COL6A5: variants seen among roughly 807,000 people sequenced by gnomAD.
COL6A5 encodes the protein collagen alpha-5(VI) chain.
COL6A5 carries 48 observed loss-of-function variants against 65.6 expected under a neutral mutation model. That is an observed-to-expected ratio of 0.73 (90% CI 0.58 to 0.93). The LOEUF (loss-of-function observed/expected upper bound fraction) is 0.93, where lower values mean the gene tolerates loss of function less well. COL6A5 is among the 40% of genes least tolerant of loss of function. The pLI is 0.00. For missense variants in COL6A5, 914 were observed against 928.3 expected (o/e 0.98, Z 0.20); for synonymous variants, 291 against 322.8 (o/e 0.90, Z 1.05).
At position 130,377,784 on chromosome 3, in the gene COL6A5, G is replaced by C. The variant is rs142689187; in HGVS notation, c.667+948G>C. On this transcript the variant is annotated intron_variant and NMD_transcript_variant, in intron 3 of 41. Coordinates refer to the COL6A5 transcript ENST00000312481. ...GTGTCTATCATATAATATGAATGAG[G>C]TGACTTGTATGGCATTTGGCACACT... 3.6e-3 allele frequency among the ~76,000 whole-genome samples: 555 copies of C among 152,202 alleles called. 3 individuals carry two copies. The highest frequency in any genetic ancestry group is 0.013 in the African/African-American group (521 of 41,542).
chr3:130,379,082 TC>T (rs1935893367), intron 3 of COL6A5, among the ~76,000 whole-genome samples: 1 of 151,782 alleles, frequency 6.6e-6, no homozygotes, highest in African/African-American at 2.4e-5. Flanking sequence ...ATGGTGGTGG[TC>T]GTGGTGGAGG....
chr3:130,398,351 T>C (rs1044688698), intron 10 of COL6A5, among the ~76,000 whole-genome samples: 1 of 152,098 alleles, frequency 6.6e-6, no homozygotes, highest in African/African-American at 2.4e-5. Context: ...AGGGTGGTCT[T>C]GATCTCCTGA....
exon 9 of COL6A5, chr3:130,397,697 T>A (rs1287969407): frequency 5.2e-6 from 8 of 1,549,316 alleles, no homozygotes; most frequent in Non-Finnish European, 6.1e-6. Flanking sequence ...TTAGAAGACA[T>A]CAGCTCTATC....
chr3:130,452,753 T>C lies in COL6A5; in HGVS notation c.1333-2702T>C, dbSNP rs939187669. On this transcript the variant is annotated intron_variant, in intron 4 of 7. Transcript: ENST00000512836. The stretch of plus-strand genomic sequence containing the variant: ...TCTGACCAAATTTATTAGGTGGGAA[T>C]TTCCTTGTCCTAATAAGCCTGGGAG... Among the ~76,000 whole-genome samples the C allele has an allele frequency of 3.9e-5, 6 of 152,112 alleles. No homozygotes were observed. In the South Asian group the frequency reaches 1.2e-3, roughly 32 times the overall value.
At chr3:130,386,336 A>AAC (rs1936184834) in intron 5 of COL6A5, among the ~76,000 whole-genome samples, 1 of 152,070 alleles carries the variant, frequency 6.6e-6, no homozygotes, top group Admixed American at 6.6e-5. Context: ...GAGTGCCTGG[A>AAC]ACATAGTAAG....
intron 13 of COL6A5, 33 bp from the exon 14 acceptor site, chr3:130,405,555 A>G: frequency 6.6e-7 from 1 of 1,516,082 alleles, no homozygotes; most frequent in East Asian, 2.5e-5. Flanking sequence ...CAAAAACATC[A>G]CTTTGGGTAC....
In COL6A5 at chr3:130,431,747, GT is replaced by G; in HGVS notation, c.286del (p.Asn97MetfsTer3). 6.4e-7 allele frequency: 1 copy of G among 1,551,574 alleles called. No homozygotes were observed. The highest frequency in any genetic ancestry group is 2.4e-5 in the East Asian group (1 of 40,920). On this transcript the variant is annotated frameshift_variant, in exon 1 of 8. Transcript: ENST00000512836. LOFTEE classifies it high-confidence loss of function. ...GACACCACAGAGCCCCGAGATGTTGGTAATGCAATGAGGTTTGTGACCCGCA... is the reference window on the plus strand; with the variant it reads ...GACACCACAGAGCCCCGAGATGTTGGAATGCAATGAGGTTTGTGACCCGCA...
At chr3:130,427,070 A>G (rs981549), upstream of COL6A5, among the ~76,000 whole-genome samples, 87,380 of 152,090 alleles carry the variant, frequency 0.57, 28,373 homozygotes, top group Non-Finnish European at 0.73. Context: ...TAGAATAATT[A>G]GGTTATAATA....
At chr3:130,361,023 C>T (rs1935086762) in intron 1 of COL6A5, among the ~76,000 whole-genome samples, 1 of 151,908 alleles carries the variant, frequency 6.6e-6, no homozygotes, top group Non-Finnish European at 1.5e-5. Context: ...CACATGAGGC[C>T]TCCCCTGCTA....
At chr3:130,410,501 A>G in exon 20 of COL6A5, 1 of 1,551,072 alleles carries the variant, frequency 6.4e-7, no homozygotes, top group Admixed American at 2.0e-5. Flanking sequence ...GGTGCAAGGC[A>G]GTCCTAGTTC....
At chr3:130,484,642 AAAGTGAT>A (rs1464617574) in exon 8 of COL6A5, 1 of 398,884 alleles carries the variant, frequency 2.5e-6, no homozygotes, top group African/African-American at 2.1e-5. Context: ...GAAAAAGAAA[AAAGTGAT>A]AAGAGGCTAA....
intron 7 of COL6A5, among the ~76,000 whole-genome samples, chr3:130,394,235 A>C (rs973352222): frequency 6.6e-6 from 1 of 152,190 alleles, no homozygotes; most frequent in African/African-American, 2.4e-5. Context: ...TGATATTTTT[A>C]AAAAGCATTG....
chr3:130,465,961 CA>C (rs60282433), intron 5 of COL6A5, among the ~76,000 whole-genome samples: 1,839 of 151,740 alleles, frequency 0.012, 37 homozygotes, highest in African/African-American at 0.042. Flanking sequence ...AAAAGATTGG[CA>C]AACTTGAAAA....
At chr3:130,375,748 GGTAGCA>G (rs955147702) in intron 2 of COL6A5, among the ~76,000 whole-genome samples, 1 of 152,018 alleles carries the variant, frequency 6.6e-6, no homozygotes, top group Admixed American at 6.5e-5. Context: ...TTCTTCACAT[GGTAGCA>G]GTAGAGAGAA....
intron 23 of COL6A5, among the ~76,000 whole-genome samples, chr3:130,416,035 A>T (rs898563750): frequency 6.6e-6 from 1 of 152,168 alleles, no homozygotes; most frequent in African/African-American, 2.4e-5. Flanking sequence ...TTTAAAAGTT[A>T]TACATGCCAT....
intron 5 of COL6A5, among the ~76,000 whole-genome samples, chr3:130,463,964 A>G (rs1709757019): frequency 6.6e-6 from 1 of 152,034 alleles, no homozygotes; most frequent in Non-Finnish European, 1.5e-5. Flanking sequence ...ACCTCTTTAG[A>G]AAATAGTTCT....
intron 1 of COL6A5, among the ~76,000 whole-genome samples, chr3:130,366,088 C>T (rs995478586): frequency 6.6e-6 from 1 of 152,140 alleles, no homozygotes; most frequent in African/African-American, 2.4e-5. Flanking sequence ...GATTTGGGGC[C>T]TTCATGATTT....
Position 130,437,974 on chromosome 3 carries a change from G to C in COL6A5, c.488-1548G>C, listed in dbSNP as rs148839337. 6.0e-3 allele frequency among the ~76,000 whole-genome samples: 916 copies of C among 152,022 alleles called. 6 individuals are homozygous for C. The highest frequency in any genetic ancestry group is 0.02 in the African/African-American group (845 of 41,486). On this transcript the variant is annotated intron_variant, in intron 1 of 7. Transcript: ENST00000512836. ...AGCTTTCCCACTAGAACGTAAGATA[G>C]AGGGGTTTTTTTTGTTTGCTTTTTT... is the stretch of plus-strand genomic sequence containing the variant.
At chr3:130,443,414 C>T in intron 3 of COL6A5, 62 bp from the exon 36 acceptor site, 1 of 1,268,302 alleles carries the variant, frequency 7.9e-7, no homozygotes, top group Admixed American at 1.8e-5. Context: ...TTGGGATTCT[C>T]TTTACCTAGG....
Sources: gnomAD v4.1 joint callset for allele counts (sites outside exome capture counted in the v4.1 genomes callset) on GRCh38, gnomAD v4.1.1 for gene constraint, MANE v1.5 for transcripts, NCBI Gene and HGNC (gene_info 2026-07-23, HGNC 2026-07-21) for gene names.